The following ZNF451 variants were observed in gnomAD, a reference collection of about 807,000 sequenced individuals.
The protein encoded by ZNF451 is zinc finger protein 451.
Under a neutral mutation model 107.1 loss-of-function variants are expected in ZNF451, and 80 were observed. That is an observed-to-expected ratio of 0.75 (90% confidence interval 0.62 to 0.90). The LOEUF is 0.90. ZNF451 is among the 40% of genes least tolerant of loss of function. ZNF451 has a pLI of 0.00. For synonymous variants in ZNF451, 362 were observed against 406.5 expected, an observed-to-expected ratio of 0.89 and a Z score of 1.32; for missense variants, 1,107 against 1,236.2, an observed-to-expected ratio of 0.90 and a Z score of 1.57.
At chr6:57,161,690 T>G (rs1176421983) in intron 14 of ZNF451, among the ~76,000 whole-genome samples, 1 of 152,068 alleles carries the variant, frequency 6.6e-6, no homozygotes, top group Non-Finnish European at 1.5e-5. Flanking sequence ...AAAGGGTTTT[T>G]TTTGTTTGTT....
chr6:57,102,359 TA>T (rs1226613223), intron 3 of ZNF451: 46 of 1,126,504 alleles, frequency 4.1e-5, no homozygotes, highest in Non-Finnish European at 4.9e-5. Context: ...GGTCCAAAAA[TA>T]AGTGTGGAGG....
Position 57,106,843 on chromosome 6 carries a change from A to G in ZNF451, c.186+7702A>G, listed in dbSNP as rs115171609. 3,168 of 981,196 alleles carry G rather than the reference A, an allele frequency of 3.2e-3. 8 individuals are homozygous for G. Among genetic ancestry groups the G allele is most frequent in the Non-Finnish European group, 3.7e-3 (3,026 of 826,120 alleles). The allele number at this position is 981,196 out of a possible 1,614,324, so 60.8% of individuals were successfully genotyped here. On this transcript the variant is annotated intron_variant, in intron 3 of 14. Transcript: ENST00000370706. ...GTCTTTATTTTTTACTTAAGAAAAT[A>G]TATAAGTGGAAGTTATCAGTAAACT... is the stretch of plus-strand genomic sequence containing the variant.
intron 14 of ZNF451, chr6:57,165,768 C>T (rs1763869366): frequency 6.6e-6 from 1 of 152,158 alleles, no homozygotes; most frequent in Non-Finnish European, 1.5e-5. Flanking sequence ...TGCTCCTAGT[C>T]TACAAACCTG....
chr6:57,122,388 A>G (rs1389981097), intron 3 of ZNF451, among the ~76,000 whole-genome samples: 1 of 152,224 alleles, frequency 6.6e-6, no homozygotes, highest in Non-Finnish European at 1.5e-5. Context: ...GGACTTAATT[A>G]AACGAAAGAG....
At chr6:57,137,913 G>A (rs936166180) in intron 7 of ZNF451, among the ~76,000 whole-genome samples, 2 of 152,096 alleles carry the variant, frequency 1.3e-5, no homozygotes, top group African/African-American at 4.8e-5. Flanking sequence ...TTATTCATAT[G>A]GTAGCATGTA....
chr6:57,130,637 T>A, intron 5 of ZNF451, among the ~76,000 whole-genome samples: 1 of 152,188 alleles, frequency 6.6e-6, no homozygotes, highest in East Asian at 1.9e-4. Flanking sequence ...GCCAGTAATA[T>A]GCCCTTCAAG....
At chr6:57,095,268 A>G (rs1252331487) in intron 2 of ZNF451, among the ~76,000 whole-genome samples, 1 of 151,318 alleles carries the variant, frequency 6.6e-6, no homozygotes, top group Non-Finnish European at 1.5e-5. Context: ...TTATTTGTTG[A>G]ATGTATAAAT....
chr6:57,105,443 G>A, intron 3 of ZNF451: 2 of 985,184 alleles, frequency 2.0e-6, no homozygotes, highest in Non-Finnish European at 2.4e-6. Flanking sequence ...TGCATATATT[G>A]CTGGTGGTAT....
chr6:57,168,735 A>G lies in ZNF451; in HGVS notation c.*266A>G, dbSNP rs1764012591. On this transcript the variant is annotated 3_prime_UTR_variant, in exon 15 of 15. Transcript: ENST00000370706. ...GTAACAGTTTCCCAGTTAACTTTGA[A>G]TTTATATATTTAGATTTAAAGGATT... is the stretch of plus-strand genomic sequence containing the variant. 3.0e-6 allele frequency: 1 copy of G among 332,724 alleles called. No homozygotes were observed. The highest frequency in any genetic ancestry group is 5.4e-5 in the South Asian group (1 of 18,650). 20.6% of individuals were successfully genotyped at this position (332,724 alleles called of 1,614,324 possible).
chr6:57,113,395 T>C (rs534653442), intron 3 of ZNF451, among the ~76,000 whole-genome samples: 3 of 152,194 alleles, frequency 2.0e-5, no homozygotes, highest in Non-Finnish European at 2.9e-5. Context: ...TTTTTAATAT[T>C]GTTTTCTAGA....
chr6:57,108,851 G>C, intron 3 of ZNF451: 1 of 985,354 alleles, frequency 1.0e-6, no homozygotes, highest in Non-Finnish European at 1.2e-6. Context: ...TGCAGAAGAA[G>C]AACTGAAACT....
At chr6:57,101,126 C>T in intron 3 of ZNF451, 4 of 1,550,750 alleles carry the variant, frequency 2.6e-6, no homozygotes, top group South Asian at 1.2e-5. Context: ...GAAGAAGAAA[C>T]TGATTACAAA....
chr6:57,107,908 G>A (rs1205788957), intron 3 of ZNF451: 2 of 726,880 alleles, frequency 2.8e-6, no homozygotes, highest in Non-Finnish European at 3.4e-6. Flanking sequence ...GTGAGATCAC[G>A]GCTCACTGCA....
rs189236430 is a variant in ZNF451, at chr6:57,152,087, G to T, written c.2753-134G>T. 212 of 663,958 alleles carry T rather than the reference G, an allele frequency of 3.2e-4. 2 individuals are homozygous for T. The East Asian group carries it at 5.8e-3, about 18-fold the overall frequency. 41.1% of individuals were successfully genotyped at this position (663,958 alleles called of 1,614,324 possible). A position where few individuals can be genotyped will look rare whatever the true frequency, so the allele number is the denominator to read the frequency against. ...AAGATGTTGATGCTTATGCTAGGAT[G>T]GAGTTCTTCCACATTCTGATCTAGT... On this transcript the variant is annotated intron_variant, in intron 11 of 14. Transcript: ENST00000370706.
chr6:57,139,761 G>T (rs530455130), intron 7 of ZNF451, among the ~76,000 whole-genome samples: 1 of 152,288 alleles, frequency 6.6e-6, no homozygotes, highest in Non-Finnish European at 1.5e-5. Flanking sequence ...AGTGACCATA[G>T]GCCGAGCACA....
intron 13 of ZNF451, 140 bp downstream of exon 13, chr6:57,154,187 CTTTTTT>C: frequency 1.3e-6 from 1 of 783,498 alleles, no homozygotes; most frequent in Admixed American, 2.8e-5. Context: ...TCTTACTTAT[CTTTTTT>C]AAAAAAATCT....
chr6:57,152,465 CCTATGA>C, intron 12 of ZNF451, 114 bp downstream of exon 12: 1 of 1,245,126 alleles, frequency 8.0e-7, no homozygotes, highest in Non-Finnish European at 1.1e-6. Flanking sequence ...TCAGGTTCTA[CCTATGA>C]CTATTATGAA....
Position 57,168,742 on chromosome 6 carries a change from TATTTAG to T in ZNF451, c.*279_*284del, listed in dbSNP as rs947792688. On this transcript the variant is annotated 3_prime_UTR_variant, in exon 15 of 15. Transcript: ENST00000370706. Reference sequence around the variant, plus strand: ...TTTCCCAGTTAACTTTGAATTTATATATTTAGATTTAAAGGATTAAAAAAAAGGAAA... The same window carrying T: ...TTTCCCAGTTAACTTTGAATTTATATATTTAAAGGATTAAAAAAAAGGAAA... 1.8e-4 allele frequency: 57 copies of T among 319,756 alleles called. No homozygotes were observed. Among genetic ancestry groups the T allele is most frequent in the African/African-American group, 1.2e-3 (54 of 45,622 alleles). 19.8% of individuals were successfully genotyped at this position (319,756 alleles called of 1,614,324 possible).
chr6:57,128,082 C>T (rs1336536550), intron 4 of ZNF451, among the ~76,000 whole-genome samples: 1 of 152,142 alleles, frequency 6.6e-6, no homozygotes, highest in Non-Finnish European at 1.5e-5. Flanking sequence ...TTTGTTACCC[C>T]TTGGTCTAGA....
Sources: gnomAD v4.1 joint callset for allele counts (sites outside exome capture counted in the v4.1 genomes callset) on GRCh38, gnomAD v4.1.1 for gene constraint, MANE v1.5 for transcripts, NCBI Gene and HGNC (gene_info 2026-07-23, HGNC 2026-07-21) for gene names.